The following RSF1 variants were observed in gnomAD, a reference collection of about 807,000 sequenced individuals.
RSF1 encodes the protein remodeling and spacing factor 1.
In RSF1, 13 loss-of-function variants were observed where a neutral mutation model predicts 145.2. That is an observed-to-expected ratio of 0.09 (90% CI 0.06 to 0.14). The LOEUF (loss-of-function observed/expected upper bound fraction) is 0.14, where lower values mean the gene tolerates loss of function less well. Ranked by LOEUF, RSF1 falls within the 10% of genes least tolerant of loss-of-function variation. The pLI, the probability that RSF1 is intolerant of heterozygous loss-of-function variation, is 1.00. For synonymous variants in RSF1, 577 were observed against 592.6 expected, an observed-to-expected ratio of 0.97 and a Z score of 0.38; for missense variants, 1,517 against 1,718.2, an observed-to-expected ratio of 0.88 and a Z score of 2.07.
rs1960340108 is a variant in RSF1, at chr11:77,698,651, G to A, written c.2551C>T (p.Arg851Cys). The change falls in exon 7 of 16, where the codon CGT (arginine) becomes TGT (cysteine). Residue 851 changes from arginine (R) to cysteine (C), a missense_variant. By Grantham distance (180) the Arg-to-Cys change is radical. Transcript: ENST00000308488. ...GKVRWTGSRT[R>C]GRWKYSSNDE... ...TTGCTGGAATATTTCCATCTGCCAC[G>A]TGTCCGAGAACCAGTCCATCGAACT... is the stretch of plus-strand genomic sequence containing the variant. The A allele has an allele frequency of 2.5e-6, 4 of 1,613,844 alleles. No homozygotes were observed. Among genetic ancestry groups the A allele is most frequent in the African/African-American group, 1.3e-5 (1 of 74,834 alleles).
chr11:77,735,125 G>A (rs1961314116), intron 4 of RSF1: 1 of 743,826 alleles, frequency 1.3e-6, no homozygotes, highest in Non-Finnish European at 2.4e-6. Context: ...GTGAAGAGGT[G>A]AGGGAGGGCT....
chr11:77,823,028 A>G (rs1034447716), upstream of RSF1, among the ~76,000 whole-genome samples: 11 of 152,098 alleles, frequency 7.2e-5, no homozygotes, highest in African/African-American at 2.7e-4. Context: ...ATCCTGGCTA[A>G]CGCGGTGAAA....
At chr11:77,767,106 T>G (rs1372511106) in intron 1 of RSF1, among the ~76,000 whole-genome samples, 1 of 152,174 alleles carries the variant, frequency 6.6e-6, no homozygotes, top group African/African-American at 2.4e-5. Flanking sequence ...GAAGCTCAAT[T>G]TCTCCATTAA....
chr11:77,829,171 A>G, the RSF1 span, among the ~76,000 whole-genome samples: 1 of 149,738 alleles, frequency 6.7e-6, no homozygotes, highest in Non-Finnish European at 1.5e-5. Context: ...TAATTTTATA[A>G]GAACAGAAAT....
intron 5 of RSF1, among the ~76,000 whole-genome samples, chr11:77,714,379 C>A (rs1960757685): frequency 6.6e-6 from 1 of 152,204 alleles, no homozygotes; most frequent in South Asian, 2.1e-4. Flanking sequence ...CTATTACTTT[C>A]CAAAATTCAT....
chr11:77,818,317 A>C (rs1383124455), intron 1 of RSF1, among the ~76,000 whole-genome samples: 3 of 152,202 alleles, frequency 2.0e-5, no homozygotes, highest in African/African-American at 7.2e-5. Context: ...ACGCCATCCC[A>C]GAAAACCTAT....
At chr11:77,681,432 C>T (rs962017856) in intron 11 of RSF1, among the ~76,000 whole-genome samples, 3 of 152,164 alleles carry the variant, frequency 2.0e-5, no homozygotes, top group Admixed American at 1.3e-4. Flanking sequence ...CTTACTTTCC[C>T]CTTTCCTTCC....
At chr11:77,751,710 CTT>C (rs962208208) in intron 2 of RSF1, among the ~76,000 whole-genome samples, 2 of 152,184 alleles carry the variant, frequency 1.3e-5, no homozygotes, top group East Asian at 3.9e-4. Context: ...ACTTCCATAA[CTT>C]GACTAAAGCT....
At chr11:77,779,539 C>A (rs1000920985) in intron 1 of RSF1, among the ~76,000 whole-genome samples, 3 of 151,996 alleles carry the variant, frequency 2.0e-5, no homozygotes, top group Non-Finnish European at 4.4e-5. Context: ...TGCGCCACCA[C>A]GCCTGGCTAA....
At chr11:77,676,709 C>G (rs1959710742) in intron 13 of RSF1, 83 bp downstream of exon 13, 1 of 1,184,248 alleles carries the variant, frequency 8.4e-7, no homozygotes, top group African/African-American at 1.5e-5. Flanking sequence ...AAACCCTCAT[C>G]ACAGCATGGG....
Position 77,662,050 on chromosome 11 carries a change from GCA to G in RSF1, c.*4865_*4866del, listed in dbSNP as rs1959243302. 6.6e-6 allele frequency: 1 copy of G among 151,974 alleles called. No individual in the cohort carries two copies. The allele number at this position is 151,974 out of a possible 1,614,324, so 9.4% of individuals were successfully genotyped here. A position where few individuals can be genotyped will look rare whatever the true frequency, so the allele number is the denominator to read the frequency against. On this transcript the variant is annotated 3_prime_UTR_variant, in exon 16 of 16. Coordinates refer to ENST00000308488, the MANE Select transcript of RSF1 (RefSeq NM_016578.4). The stretch of plus-strand genomic sequence containing the variant: ...GCACGAGGCAAGTATTCAGTCCTTA[GCA>G]CACTTTCTAACTTGTACCGGTTTGG...
At chr11:77,669,256 A>G (rs1311837275) in intron 15 of RSF1, among the ~76,000 whole-genome samples, 1 of 152,112 alleles carries the variant, frequency 6.6e-6, no homozygotes, top group Non-Finnish European at 1.5e-5. Flanking sequence ...TCTCACCTGG[A>G]CTATTACAAT....
At chr11:77,738,240 C>T (rs1052942104) in intron 4 of RSF1, among the ~76,000 whole-genome samples, 1 of 152,172 alleles carries the variant, frequency 6.6e-6, no homozygotes, top group African/African-American at 2.4e-5. Flanking sequence ...ATATTCCTCA[C>T]AACAACTTTT....
intron 1 of RSF1, among the ~76,000 whole-genome samples, chr11:77,771,932 A>C (rs759739441): frequency 1.4e-4 from 22 of 152,180 alleles, no homozygotes; most frequent in Non-Finnish European, 3.1e-4. Context: ...CTGAAGGAAA[A>C]TTGCAAAAAT....
chr11:77,775,331 T>C (rs1455294593), intron 1 of RSF1, among the ~76,000 whole-genome samples: 1 of 151,462 alleles, frequency 6.6e-6, no homozygotes, highest in Non-Finnish European at 1.5e-5. Context: ...AATATATTAA[T>C]ATGCAGGAAG....
intron 9 of RSF1, among the ~76,000 whole-genome samples, chr11:77,689,076 A>AG (rs1426468683): frequency 6.6e-6 from 1 of 152,220 alleles, no homozygotes; most frequent in Non-Finnish European, 1.5e-5. Context: ...TAAAATCAGG[A>AG]GATAATGCTT....
intron 2 of RSF1, among the ~76,000 whole-genome samples, chr11:77,759,544 C>T: frequency 6.6e-6 from 1 of 152,056 alleles, no homozygotes; most frequent in East Asian, 1.9e-4. Context: ...ATTAGCCAGG[C>T]ATGGTGGCGT....
chr11:77,774,895 T>C (rs1019813365), intron 1 of RSF1, among the ~76,000 whole-genome samples: 2 of 149,456 alleles, frequency 1.3e-5, no homozygotes, highest in Non-Finnish European at 3.0e-5. Flanking sequence ...GCCTCCCGAG[T>C]AGCTAGGATT....
intron 1 of RSF1, among the ~76,000 whole-genome samples, chr11:77,816,832 T>C (rs990218337): frequency 1.4e-4 from 21 of 152,218 alleles, no homozygotes; most frequent in African/African-American, 3.1e-4. Context: ...AGGACTAAAG[T>C]AGACTGCAGG....
Sources: gnomAD v4.1 joint callset for allele counts (sites outside exome capture counted in the v4.1 genomes callset) on GRCh38, gnomAD v4.1.1 for gene constraint, MANE v1.5 for transcripts, NCBI Gene and HGNC (gene_info 2026-07-23, HGNC 2026-07-21) for gene names.